The following LARGE1 variants were observed in gnomAD, a reference collection of about 807,000 sequenced individuals.
The protein encoded by LARGE1 is LARGE xylosyl- and glucuronyltransferase 1.
Under a neutral mutation model 87.6 loss-of-function variants are expected in LARGE1, and 43 were observed. The observed-to-expected ratio is 0.49, with a 90% CI of 0.38 to 0.63. The LOEUF (loss-of-function observed/expected upper bound fraction) is 0.63. Among genes scored for constraint, LARGE1 ranks in the 30% least tolerant of loss-of-function variants. LARGE1 has a pLI of 0.00. For missense variants in LARGE1, 802 were observed against 1,000.2 expected (o/e 0.80, Z 2.67); for synonymous variants, 434 against 394.6 (o/e 1.10, Z -1.18).
At chr22:33,337,370 G>A (rs1055141245) in intron 10 of LARGE1, among the ~76,000 whole-genome samples, 2 of 152,092 alleles carry the variant, frequency 1.3e-5, no homozygotes, top group African/African-American at 4.8e-5. Flanking sequence ...CCTTTCACTG[G>A]TGGTTTTGTT....
At chr22:33,760,817 G>C (rs954669474) in intron 2 of LARGE1, among the ~76,000 whole-genome samples, 3 of 152,186 alleles carry the variant, frequency 2.0e-5, no homozygotes, top group Non-Finnish European at 4.4e-5. Flanking sequence ...CTACTTGGGA[G>C]GTTGAGGCAG....
chr22:33,086,151 A>G, the LARGE1 span, among the ~76,000 whole-genome samples: 2 of 152,224 alleles, frequency 1.3e-5, no homozygotes, highest in Non-Finnish European at 2.9e-5. Context: ...TGAAGCAATA[A>G]AGATAGTATC....
intron 6 of LARGE1, among the ~76,000 whole-genome samples, chr22:33,502,351 A>G (rs570423939): frequency 6.6e-6 from 1 of 152,266 alleles, no homozygotes; most frequent in East Asian, 1.9e-4. Flanking sequence ...AAGTTCCAGT[A>G]CGAAGGAAGA....
At chr22:33,759,088 C>T (rs899472962) in intron 2 of LARGE1, among the ~76,000 whole-genome samples, 1 of 152,116 alleles carries the variant, frequency 6.6e-6, no homozygotes, top group African/African-American at 2.4e-5. Context: ...TAAAGTCACC[C>T]TGAGAAAAAC....
rs192331486 is a variant in LARGE1, at chr22:33,473,332, G to A, written c.788-41067C>T. Among the ~76,000 whole-genome samples the A allele has an allele frequency of 6.1e-4, 93 of 151,570 alleles. 1 individual carries two copies. In the East Asian group the frequency reaches 0.015, roughly 25 times the overall value. ...TAAAGGCACCCACCACCATGCCCGG[G>A]TAGTTCTTTTTATTTTTTATTTTTT... On this transcript the variant is annotated intron_variant, in intron 6 of 14. Transcript: ENST00000397394.
At chr22:33,733,510 C>T (rs1601461150) in intron 2 of LARGE1, 1 of 152,336 alleles carries the variant, frequency 6.6e-6, no homozygotes, top group Non-Finnish European at 1.5e-5. Flanking sequence ...GCCAAAGAGA[C>T]TCAAATAGAG....
intron 4 of LARGE1, among the ~76,000 whole-genome samples, chr22:33,612,209 T>C (rs1366716394): frequency 2.0e-5 from 3 of 149,662 alleles, no homozygotes; most frequent in Non-Finnish European, 4.5e-5. Flanking sequence ...GTTCAAGCTA[T>C]TCTCCTGCCT....
chr22:33,428,554 C>G (rs543297405), intron 7 of LARGE1, among the ~76,000 whole-genome samples: 1 of 150,606 alleles, frequency 6.6e-6, no homozygotes, highest in Admixed American at 6.6e-5. Context: ...ACCTCGTGAT[C>G]CACCCACCTC....
At chr22:33,623,923 G>A (rs2079837178) in intron 4 of LARGE1, among the ~76,000 whole-genome samples, 1 of 152,008 alleles carries the variant, frequency 6.6e-6, no homozygotes, top group South Asian at 2.1e-4. Context: ...CAAGCTACTT[G>A]GGCAGCTGTG....
intron 10 of LARGE1, among the ~76,000 whole-genome samples, chr22:33,335,069 C>T (rs1330283028): frequency 4.6e-5 from 7 of 152,204 alleles, no homozygotes; most frequent in African/African-American, 1.4e-4. Context: ...GATTAACTGA[C>T]GGCTTCATCC....
intron 5 of LARGE1, among the ~76,000 whole-genome samples, chr22:33,598,288 G>A: frequency 6.6e-6 from 1 of 152,168 alleles, no homozygotes; most frequent in East Asian, 1.9e-4. Flanking sequence ...TATGTACAAT[G>A]GGAATAATAA....
At chr22:33,835,181 G>T (rs1218681517) in intron 1 of LARGE1, among the ~76,000 whole-genome samples, 2 of 152,238 alleles carry the variant, frequency 1.3e-5, no homozygotes, top group Non-Finnish European at 2.9e-5. Flanking sequence ...ATTATTACAT[G>T]TTCATAAGGG....
At chr22:33,853,461 G>A (rs1465223204) in intron 1 of LARGE1, among the ~76,000 whole-genome samples, 1 of 152,198 alleles carries the variant, frequency 6.6e-6, no homozygotes, top group East Asian at 1.9e-4. Context: ...GGAGGAGGCT[G>A]TGAGCATTTA....
At chr22:33,560,186 G>A (rs1416750351) in intron 6 of LARGE1, among the ~76,000 whole-genome samples, 1 of 152,180 alleles carries the variant, frequency 6.6e-6, no homozygotes, top group Non-Finnish European at 1.5e-5. Context: ...CTCTAAAATA[G>A]GAACATCAAC....
At chr22:33,711,720 C>T (rs2082735960) in intron 2 of LARGE1, among the ~76,000 whole-genome samples, 1 of 152,232 alleles carries the variant, frequency 6.6e-6, no homozygotes, top group Non-Finnish European at 1.5e-5. Context: ...GATCATAGCT[C>T]ACTGCAGCCT....
At chr22:33,339,147 C>CAAA (rs1329158055) in intron 9 of LARGE1, among the ~76,000 whole-genome samples, 2 of 92,646 alleles carry the variant, frequency 2.2e-5, no homozygotes, top group African/African-American at 9.4e-5. Context: ...GACTCCGTCT[C>CAAA]AAAAAATAAA....
At chr22:33,553,715 C>T (rs62227065) in intron 6 of LARGE1, among the ~76,000 whole-genome samples, 9,704 of 152,174 alleles carry the variant, frequency 0.064, 446 homozygotes, top group Non-Finnish European at 0.097. Flanking sequence ...AGCAACACCC[C>T]GACGTTGCAA....
At chr22:33,472,436 A>G (rs940311496) in intron 6 of LARGE1, among the ~76,000 whole-genome samples, 1 of 152,154 alleles carries the variant, frequency 6.6e-6, no homozygotes, top group African/African-American at 2.4e-5. Flanking sequence ...TATCTAGTAT[A>G]GTGGTTTCCA....
At chr22:33,097,621 C>A in the LARGE1 span, among the ~76,000 whole-genome samples, 4 of 152,214 alleles carry the variant, frequency 2.6e-5, no homozygotes, top group Non-Finnish European at 5.9e-5. Flanking sequence ...AATTAGCTCC[C>A]TTTCTCTGGA....
Sources: allele counts gnomAD v4.1 joint callset (sites outside exome capture counted in the v4.1 genomes callset), GRCh38; gene constraint gnomAD v4.1.1; transcripts MANE v1.5; gene names NCBI Gene and HGNC (gene_info 2026-07-23, HGNC 2026-07-21).